Variants in TCERG1 observed in about 807,000 individuals in gnomAD.
The protein encoded by TCERG1 is TATA box binding protein (TBP)-associated factor, RNA polymerase II, S, 150kD.
In TCERG1, 37 loss-of-function variants were observed where a neutral mutation model predicts 144.7. The observed-to-expected ratio is 0.26, with a 90% CI of 0.20 to 0.34. The LOEUF (loss-of-function observed/expected upper bound fraction) is 0.34. TCERG1 is among the 10% of genes least tolerant of loss of function. The pLI, the probability that TCERG1 is intolerant of heterozygous loss-of-function variation, is 1.00. For missense variants in TCERG1, 1,027 were observed against 1,380.7 expected, an observed-to-expected ratio of 0.74 and a Z score of 4.06; for synonymous variants, 492 against 458.2, an observed-to-expected ratio of 1.07 and a Z score of -0.94.
Position 146,479,696 on chromosome 5 carries a change from GATAA to G in TCERG1, c.1763-155_1763-152del, listed in dbSNP as rs553872227. Among the ~76,000 whole-genome samples the G allele has an allele frequency of 1.3e-3, 196 of 152,260 alleles. 1 individual carries two copies. The highest frequency in any genetic ancestry group is 6.8e-3 in the Middle Eastern group (2 of 294). ...TGAATTAAATTTAATGTAAAGGGAGGATAAATAGAGGAAGTGTAGAATTATGCTT... is the reference window on the plus strand; with the variant it reads ...TGAATTAAATTTAATGTAAAGGGAGGATAGAGGAAGTGTAGAATTATGCTT... On this transcript the variant is annotated intron_variant, in intron 10 of 22. Coordinates refer to ENST00000679501, the MANE Select transcript of TCERG1 (RefSeq NM_001382548.1).
intron 19 of TCERG1, 43 bp from the exon 20 acceptor site, chr5:146,506,985 G>A (rs772878586): frequency 6.8e-7 from 1 of 1,476,906 alleles, no homozygotes; most frequent in Admixed American, 2.4e-5. Flanking sequence ...TGGACATTCA[G>A]ATAAGTCTCT....
chr5:146,455,178 C>T lies in TCERG1; in HGVS notation c.182C>T (p.Pro61Leu). The T allele has an allele frequency of 6.2e-7, 1 of 1,614,236 alleles. No individual in the cohort carries two copies. The highest frequency in any genetic ancestry group is 8.5e-7 in the Non-Finnish European group (1 of 1,180,042). Residue 61 changes from proline to leucine, a missense_variant, in exon 2 of 23, where the codon CCA becomes CTA. Pro to Leu is a moderately conservative substitution (Grantham distance 98). Transcript: ENST00000679501. Reference sequence around the variant, plus strand: ...TTTGGTATGATGCGAGGCCCTCCTCCACCACCACGGCCGCCCTTTGGACGT... The same window carrying T: ...TTTGGTATGATGCGAGGCCCTCCTCTACCACCACGGCCGCCCTTTGGACGT... The part of the protein sequence containing the change: ...PPFGMMRGPP[P>L]PPRPPFGRPP...
chr5:146,482,782 A>G lies in TCERG1; in HGVS notation c.2073+55A>G, dbSNP rs1404989901. 2.0e-6 allele frequency: 3 copies of G among 1,505,486 alleles called. No individual in the cohort carries two copies. In the African/African-American group the frequency reaches 4.2e-5, roughly 21 times the overall value. 93.3% of individuals were successfully genotyped at this position (1,505,486 alleles called of 1,614,324 possible). On this transcript the variant is annotated intron_variant, in intron 14 of 22. Transcript: ENST00000679501. Reference sequence around the variant, plus strand: ...TCTGTTTTGTATAAGTAATATAAATATGTCTTGCTAAAAGGTCAAATCTAA... The same window carrying G: ...TCTGTTTTGTATAAGTAATATAAATGTGTCTTGCTAAAAGGTCAAATCTAA...
At chr5:146,460,837 C>T (rs1763272726) in intron 4 of TCERG1, among the ~76,000 whole-genome samples, 1 of 152,132 alleles carries the variant, frequency 6.6e-6, no homozygotes, top group African/African-American at 2.4e-5. Flanking sequence ...GAAAGTATAA[C>T]AGTCATACTA....
intron 15 of TCERG1, among the ~76,000 whole-genome samples, chr5:146,485,556 T>A (rs1765744698): frequency 6.6e-6 from 1 of 152,192 alleles, no homozygotes; most frequent in South Asian, 2.1e-4. Flanking sequence ...TTTCCCAATT[T>A]TTGAAGCATT....
intron 15 of TCERG1, 52 bp downstream of exon 15, chr5:146,483,681 T>G (rs745452376): frequency 2.3e-6 from 3 of 1,298,768 alleles, no homozygotes; most frequent in Non-Finnish European, 2.1e-6. Flanking sequence ...CCAACATAGT[T>G]TTTAAATTAT....
chr5:146,506,589 A>T (rs999084134), intron 19 of TCERG1, among the ~76,000 whole-genome samples: 4 of 152,230 alleles, frequency 2.6e-5, no homozygotes, highest in Admixed American at 1.3e-4. Context: ...GGTGTGCAGT[A>T]GGTCTCAAAA....
intron 5 of TCERG1, 100 bp downstream of exon 5, chr5:146,463,893 C>CA: frequency 6.6e-7 from 1 of 1,507,792 alleles, no homozygotes; most frequent in Middle Eastern, 1.8e-4. Flanking sequence ...CCTTGAATCT[C>CA]ACCTGTTTGA....
chr5:146,495,810 T>G (rs1351190639), intron 16 of TCERG1, among the ~76,000 whole-genome samples: 2 of 152,246 alleles, frequency 1.3e-5, no homozygotes, highest in Admixed American at 6.5e-5. Context: ...TGGGCTAATC[T>G]TTATTTTTTT....
rs150126168 is a variant in TCERG1, at chr5:146,492,057, T to A, written c.2164-863T>A. Among the ~76,000 whole-genome samples, 83 of 152,340 alleles carry A rather than the reference T, an allele frequency of 5.4e-4. 1 individual carries two copies. Among genetic ancestry groups the A allele is most frequent in the African/African-American group, 1.9e-3 (81 of 41,576 alleles). On this transcript the variant is annotated intron_variant, in intron 15 of 22. Transcript: ENST00000679501. ...TGCTTTGGAATAGTCACTTGCCTTT[T>A]ACATTCAGAAGTGGCAGTGCCCAGA... is the stretch of plus-strand genomic sequence containing the variant.
intron 15 of TCERG1, among the ~76,000 whole-genome samples, chr5:146,488,399 A>C (rs1227292147): frequency 6.6e-6 from 1 of 152,170 alleles, no homozygotes; most frequent in Non-Finnish European, 1.5e-5. Context: ...AAAAAAACAG[A>C]TCTTACTAAC....
At chr5:146,498,385 C>A in intron 16 of TCERG1, 151 bp from the exon 17 acceptor site, 2 of 683,034 alleles carry the variant, frequency 2.9e-6, no homozygotes, top group Non-Finnish European at 4.4e-6. Flanking sequence ...CTTTTTACTC[C>A]TTTCTGAAAC....
intron 12 of TCERG1, chr5:146,480,542 G>A (rs1765259639): frequency 6.5e-6 from 1 of 154,170 alleles, no homozygotes; most frequent in African/African-American, 2.4e-5. Flanking sequence ...CTTAGGAAGT[G>A]CTCTGCGAGA....
intron 4 of TCERG1, among the ~76,000 whole-genome samples, chr5:146,462,704 A>C (rs1763444465): frequency 1.3e-5 from 2 of 152,100 alleles, no homozygotes; most frequent in South Asian, 4.1e-4. Context: ...GTTAGTCATT[A>C]GTTATTTGCT....
In TCERG1 at chr5:146,482,622, G is replaced by C. The variant is rs1426791554; in HGVS notation, c.1968G>C (p.Glu656Asp). 3 of 1,612,778 alleles carry C rather than the reference G, an allele frequency of 1.9e-6. No homozygotes were observed. In the African/African-American group the frequency reaches 4.0e-5, roughly 22 times the overall value. Residue 656 changes from glutamate (E) to aspartate (D), a missense_variant, in exon 14 of 23, where the codon GAG becomes GAC. This residue lies in a region of TCERG1 where 482 missense variants were observed against 632.6 expected (regional missense o/e 0.76). Transcript: ENST00000679501. ...ACGATAATAAAGACATTGACTCAGA[G>C]AAAGAAGCTGCCATGGAAGCTGAAA... is the stretch of plus-strand genomic sequence containing the variant. ...RRDDNKDIDS[E>D]KEAAMEAEIK...
At chr5:146,451,481 C>T (rs954014977) in intron 1 of TCERG1, among the ~76,000 whole-genome samples, 37 of 151,794 alleles carry the variant, frequency 2.4e-4, no homozygotes, top group Admixed American at 1.0e-3. Flanking sequence ...CACCACCACA[C>T]CCGGCTAATT....
intron 13 of TCERG1, 59 bp from the exon 14 acceptor site, chr5:146,482,533 T>G: frequency 6.7e-7 from 1 of 1,485,400 alleles, no homozygotes; most frequent in Non-Finnish European, 9.1e-7. Context: ...TTAAGATTTC[T>G]AATAAGATCT....
At chr5:146,504,037 A>G in intron 19 of TCERG1, 31 bp downstream of exon 19, 2 of 1,469,142 alleles carry the variant, frequency 1.4e-6, no homozygotes, top group South Asian at 3.2e-5. Flanking sequence ...TTTTTTCTCT[A>G]AAGTACTGGA....
chr5:146,507,020 C>G lies in TCERG1; in HGVS notation c.2782-8C>G. 1 of 1,551,448 alleles carries G rather than the reference C, an allele frequency of 6.4e-7. No individual in the cohort carries two copies. The highest frequency in any genetic ancestry group is 8.7e-7 in the Non-Finnish European group (1 of 1,155,370). On this transcript the variant is annotated splice_region_variant and splice_polypyrimidine_tract_variant and intron_variant, in intron 19 of 22. Coordinates refer to ENST00000679501, the MANE Select transcript of TCERG1 (RefSeq NM_001382548.1). This position sits in a 1 kb window ranked among gnomAD's most constrained non-coding sequence, Gnocchi z 4.6. ...TTTGGTGATATATATATAATTTTTT[C>G]TCTTCAGGTACGTTCTTCAGATGTG...
Sources: allele counts gnomAD v4.1 joint callset (sites outside exome capture counted in the v4.1 genomes callset), GRCh38; gene constraint gnomAD v4.1.1; regional missense constraint gnomAD v4.1.1; non-coding constraint Gnocchi (gnomAD v3.1); transcripts MANE v1.5; gene names NCBI Gene and HGNC (gene_info 2026-07-23, HGNC 2026-07-21).